Variants in CUL1 observed in about 807,000 individuals in gnomAD.
CUL1 encodes cullin 1, also known as cullin-1.
CUL1 carries 24 observed loss-of-function variants against 118.0 expected under a neutral mutation model. The observed-to-expected ratio is 0.20, with a 90% CI of 0.15 to 0.29. The LOEUF is 0.29. Ranked by LOEUF, CUL1 falls within the 10% of genes least tolerant of loss-of-function variation. The pLI is 1.00. For synonymous variants in CUL1, 332 were observed against 340.4 expected, an observed-to-expected ratio of 0.98 and a Z score of 0.27; for missense variants, 361 against 933.8, an observed-to-expected ratio of 0.39 and a Z score of 7.99.
intron 1 of CUL1, among the ~76,000 whole-genome samples, chr7:148,712,335 G>C (rs1018388571): frequency 1.3e-5 from 2 of 152,200 alleles, no homozygotes; most frequent in African/African-American, 4.8e-5. Flanking sequence ...TTTTAAGATA[G>C]AGTGATATTT....
chr7:148,778,088 AAAAAAAAAAG>A (rs57653183), intron 9 of CUL1, among the ~76,000 whole-genome samples: 3,455 of 139,094 alleles, frequency 0.025, 322 homozygotes, highest in African/African-American at 0.091. Flanking sequence ...AAAAAAAAAA[AAAAAAAAAAG>A]AAGAAGAAGA....
chr7:148,699,312 C>A (rs1355910520), intron 1 of CUL1, among the ~76,000 whole-genome samples: 1 of 151,780 alleles, frequency 6.6e-6, no homozygotes, highest in African/African-American at 2.4e-5. Flanking sequence ...TGGGAAAAAG[C>A]ACGATTCATC....
intron 1 of CUL1, among the ~76,000 whole-genome samples, chr7:148,701,564 C>T (rs2129458732): frequency 6.6e-6 from 1 of 152,278 alleles, no homozygotes; most frequent in South Asian, 2.1e-4. Context: ...GGTTGAGTAT[C>T]CAGCCTTGCC....
chr7:148,789,955 G>A, intron 15 of CUL1, 129 bp downstream of exon 15: 1 of 854,610 alleles, frequency 1.2e-6, no homozygotes, highest in Non-Finnish European at 1.9e-6. Flanking sequence ...GTGAACCATG[G>A]GGGCAACACT....
Position 148,800,473 on chromosome 7 carries a change from A to G in CUL1, c.2251-29A>G, listed in dbSNP as rs1563173486. On this transcript the variant is annotated intron_variant, in intron 21 of 21. Transcript: ENST00000325222. This position sits in a 1 kb window ranked among gnomAD's most constrained non-coding sequence, Gnocchi z 4.6. Reference sequence around the variant, plus strand: ...ATTTGTGTTTTTCTTCTCTTTCACTACCTCTTCCTTTTTAAAAATAACACC... The same window carrying G: ...ATTTGTGTTTTTCTTCTCTTTCACTGCCTCTTCCTTTTTAAAAATAACACC... 3 of 1,567,620 alleles carry G rather than the reference A, an allele frequency of 1.9e-6. No homozygotes were observed. The highest frequency in any genetic ancestry group is 1.8e-6 in the Non-Finnish European group (2 of 1,138,234).
At chr7:148,769,599 G>A (rs1470649303) in intron 9 of CUL1, among the ~76,000 whole-genome samples, 1 of 152,216 alleles carries the variant, frequency 6.6e-6, no homozygotes, top group African/African-American at 2.4e-5. Context: ...TCCTTGAAAT[G>A]AGTTAAGTGG....
chr7:148,771,637 G>A (rs1050286619), intron 9 of CUL1, among the ~76,000 whole-genome samples: 1 of 152,164 alleles, frequency 6.6e-6, no homozygotes. Context: ...GATATGTGAG[G>A]CGATCAATTA....
chr7:148,708,460 C>T (rs979676655), intron 1 of CUL1, among the ~76,000 whole-genome samples: 3 of 152,250 alleles, frequency 2.0e-5, no homozygotes, highest in Non-Finnish European at 4.4e-5. Context: ...GCCCCGCTGT[C>T]ACCAGCTTCA....
At chr7:148,701,041 C>G (rs1305886764) in intron 1 of CUL1, among the ~76,000 whole-genome samples, 1 of 152,122 alleles carries the variant, frequency 6.6e-6, no homozygotes, top group East Asian at 1.9e-4. Context: ...AGCCTTATTT[C>G]CCATACATTT....
At chr7:148,763,343 G>A (rs1186847011) in intron 7 of CUL1, among the ~76,000 whole-genome samples, 1 of 152,052 alleles carries the variant, frequency 6.6e-6, no homozygotes, top group African/African-American at 2.4e-5. Context: ...GATCCACTTG[G>A]ATCACACCAA....
At chr7:148,703,558 A>T (rs1797784750) in intron 1 of CUL1, among the ~76,000 whole-genome samples, 1 of 151,876 alleles carries the variant, frequency 6.6e-6, no homozygotes, top group African/African-American at 2.4e-5. Flanking sequence ...TTTGAGACAG[A>T]GTCTCACTCT....
At chr7:148,759,388 T>C (rs1200900319) in intron 5 of CUL1, 34 bp downstream of exon 5, 1 of 1,608,586 alleles carries the variant, frequency 6.2e-7, no homozygotes, top group Non-Finnish European at 8.5e-7. Context: ...CATGTTCCTT[T>C]TAAAATCCCT....
intron 1 of CUL1, among the ~76,000 whole-genome samples, chr7:148,699,807 C>T (rs371674961): frequency 6.6e-6 from 1 of 152,190 alleles, no homozygotes; most frequent in South Asian, 2.1e-4. Flanking sequence ...GCTGCGGCCT[C>T]GGCGCGCCCC....
chr7:148,759,218 A>T (rs1799759923), intron 4 of CUL1, 86 bp from the exon 5 acceptor site: 1 of 1,295,014 alleles, frequency 7.7e-7, no homozygotes, highest in East Asian at 2.3e-5. Context: ...TTGATAAAGT[A>T]ATTTGAGATT....
At chr7:148,783,576 A>T in intron 9 of CUL1, 5 of 1,480,704 alleles carry the variant, frequency 3.4e-6, no homozygotes, top group Non-Finnish European at 4.5e-6. Context: ...TGGAGAATAG[A>T]TTGTTTTTTC....
Position 148,798,620 on chromosome 7 carries a change from G to A in CUL1, c.2079G>A (p.Lys693=), listed in dbSNP as rs749702864. 3 of 1,614,188 alleles carry A rather than the reference G, an allele frequency of 1.9e-6. No individual in the cohort carries two copies. Among genetic ancestry groups the A allele is most frequent in the South Asian group, 2.2e-5 (2 of 91,088 alleles). ...ATGTGCCAATGAAAACCGAACAGAA[G>A]CAGGAACAAGAAACCACACACAAAA... ...NINVPMKTEQ[K]QEQETTHKNI... The change falls in exon 20 of 22, where the codon AAG becomes AAA. Residue 693 remains lysine, a synonymous_variant. Coordinates refer to ENST00000325222, the MANE Select transcript of CUL1 (RefSeq NM_003592.3).
intron 17 of CUL1, among the ~76,000 whole-genome samples, chr7:148,794,213 A>G (rs1243821091): frequency 6.6e-6 from 1 of 150,740 alleles, no homozygotes; most frequent in Non-Finnish European, 1.5e-5. Flanking sequence ...TTACTTTCTT[A>G]TATACACACA....
intron 2 of CUL1, among the ~76,000 whole-genome samples, chr7:148,744,308 G>T (rs243495): frequency 0.45 from 68,292 of 151,572 alleles, 16,458 homozygotes; most frequent in African/African-American, 0.64. Flanking sequence ...CCCTTAAAAA[G>T]TTTCTTTGTT....
At chr7:148,769,512 T>C (rs533899884) in intron 9 of CUL1, among the ~76,000 whole-genome samples, 6 of 151,506 alleles carry the variant, frequency 4.0e-5, no homozygotes, top group Non-Finnish European at 8.8e-5. Context: ...TTCAGTAATA[T>C]AAGGTGCCTT....
Sources: allele counts gnomAD v4.1 joint callset (sites outside exome capture counted in the v4.1 genomes callset), GRCh38; gene constraint gnomAD v4.1.1; non-coding constraint Gnocchi (gnomAD v3.1); transcripts MANE v1.5; gene names NCBI Gene and HGNC (gene_info 2026-07-23, HGNC 2026-07-21).